CAMK2D: variants seen among roughly 807,000 people sequenced by gnomAD.
CAMK2D encodes the protein calcium/calmodulin-dependent protein kinase type II subunit delta.
CAMK2D carries 37 observed loss-of-function variants against 84.0 expected under a neutral mutation model. The ratio of observed to expected loss-of-function variants is 0.44; its 90% CI spans 0.34 to 0.58. The LOEUF is 0.58. Ranked by LOEUF, CAMK2D falls within the 20% of genes least tolerant of loss-of-function variation. The probability of loss-of-function intolerance (pLI) is 0.02; values close to 1 mark genes in which losing one functional copy is unlikely to be tolerated. For missense variants in CAMK2D, 448 were observed against 652.5 expected (o/e 0.69, Z 3.41); for synonymous variants, 202 against 212.5 (o/e 0.95, Z 0.43).
At chr4:113,731,021 C>T (rs1429608710) in intron 2 of CAMK2D, among the ~76,000 whole-genome samples, 1 of 152,160 alleles carries the variant, frequency 6.6e-6, no homozygotes, top group Admixed American at 6.5e-5. Flanking sequence ...GACTTAAAAA[C>T]TGAAACTCAT....
intron 2 of CAMK2D, among the ~76,000 whole-genome samples, chr4:113,723,692 T>C (rs1229762707): frequency 1.3e-5 from 2 of 152,186 alleles, no homozygotes; most frequent in Non-Finnish European, 2.9e-5. Flanking sequence ...TATGTATACA[T>C]ATATATAAAA....
Position 113,459,915 on chromosome 4 carries a change from G to A in CAMK2D, c.1306+232C>T, listed in dbSNP as rs917045451. 2.0e-5 allele frequency among the ~76,000 whole-genome samples: 3 copies of A among 152,214 alleles called. No homozygotes were observed. In the East Asian group the frequency reaches 5.8e-4, roughly 29 times the overall value. ...ACTGGGATTACAGGCATGAGCCACA[G>A]TGCCCAGTCAACATTAATTTTTTTA... On this transcript the variant is annotated intron_variant, in intron 18 of 20. Coordinates refer to ENST00000511664, the MANE Select transcript of CAMK2D (RefSeq NM_001321571.2).
chr4:113,661,030 C>T (rs1475980585), intron 3 of CAMK2D, among the ~76,000 whole-genome samples: 1 of 150,710 alleles, frequency 6.6e-6, no homozygotes, highest in Non-Finnish European at 1.5e-5. Context: ...CTCCTGACCT[C>T]GTGATCCACC....
At chr4:113,706,903 C>T (rs1174891999) in intron 2 of CAMK2D, among the ~76,000 whole-genome samples, 1 of 152,072 alleles carries the variant, frequency 6.6e-6, no homozygotes, top group Non-Finnish European at 1.5e-5. Flanking sequence ...ACTTTGAATA[C>T]ATTAAAATCT....
rs532367663 is a variant in CAMK2D at position 113,506,671 on chromosome 4, G to A, written c.985-1636C>T. On this transcript the variant is annotated intron_variant, in intron 13 of 20. Transcript: ENST00000511664. ...GCCGGCTTCCTGTCAAATGAACAGG[G>A]GCACTTATGGTTAAAGCACCACATG... Among the ~76,000 whole-genome samples, 14 of 152,156 alleles carry A rather than the reference G, an allele frequency of 9.2e-5. No individual in the cohort carries two copies. The South Asian group carries it at 2.7e-3, about 29-fold the overall frequency.
At chr4:113,467,662 A>C (rs1037683258) in intron 16 of CAMK2D, among the ~76,000 whole-genome samples, 14 of 152,220 alleles carry the variant, frequency 9.2e-5, no homozygotes, top group Non-Finnish European at 1.8e-4. Flanking sequence ...TGATTGATGA[A>C]TATCAATAAT....
At chr4:113,727,119 T>C (rs1380136743) in intron 2 of CAMK2D, among the ~76,000 whole-genome samples, 1 of 152,184 alleles carries the variant, frequency 6.6e-6, no homozygotes, top group Non-Finnish European at 1.5e-5. Context: ...ATGCCATGTA[T>C]GTAGATTGAA....
At chr4:113,653,828 G>T (rs898448695) in intron 3 of CAMK2D, among the ~76,000 whole-genome samples, 1 of 151,818 alleles carries the variant, frequency 6.6e-6, no homozygotes, top group Non-Finnish European at 1.5e-5. Flanking sequence ...TGATTGTATG[G>T]GTTCCTTACA....
chr4:113,660,096 T>A (rs548307128), intron 3 of CAMK2D, among the ~76,000 whole-genome samples: 1 of 152,158 alleles, frequency 6.6e-6, no homozygotes, highest in Admixed American at 6.5e-5. Context: ...CAGTGAAAGA[T>A]TTTGCAAATT....
At chr4:113,497,728 G>A (rs1269025810) in intron 16 of CAMK2D, among the ~76,000 whole-genome samples, 1 of 152,220 alleles carries the variant, frequency 6.6e-6, no homozygotes, top group Admixed American at 6.5e-5. Context: ...GGGGCAGAAT[G>A]TGCACTGCCT....
intron 2 of CAMK2D, among the ~76,000 whole-genome samples, chr4:113,665,094 G>A (rs201991831): frequency 1.3e-5 from 2 of 152,146 alleles, no homozygotes; most frequent in East Asian, 1.9e-4. Flanking sequence ...ATGAGCCACC[G>A]TGCCCAGCCC....
intron 2 of CAMK2D, among the ~76,000 whole-genome samples, chr4:113,668,003 T>C (rs1375436020): frequency 6.6e-6 from 1 of 152,126 alleles, no homozygotes; most frequent in Non-Finnish European, 1.5e-5. Context: ...TTTTTGAAAG[T>C]CTATTCTGTG....
chr4:113,518,763 G>A (rs1449752220), intron 8 of CAMK2D, among the ~76,000 whole-genome samples: 1 of 152,104 alleles, frequency 6.6e-6, no homozygotes, highest in African/African-American at 2.4e-5. Context: ...GTACCTAGGA[G>A]ATCTATCCCT....
rs555584508 is a variant in CAMK2D, at chr4:113,761,036, C to T, written c.33G>A (p.Thr11=). ...GCTCCTCGAAAAGCTGATACTCGTC[C>T]GTGAACCTGGTGCAGGTTGTGGTCG... MASTTTCTRF[T]DEYQLFEELG... is the part of the protein sequence containing the mutation. The change falls in exon 1 of 21, where the codon ACG becomes ACA. Residue 11 remains threonine, a synonymous_variant. Transcript: ENST00000511664. 5.6e-6 allele frequency: 9 copies of T among 1,614,190 alleles called. No homozygotes were observed. Among genetic ancestry groups the T allele is most frequent in the Non-Finnish European group, 2.5e-6 (3 of 1,180,028 alleles).
chr4:113,464,519 CCGTTT>C (rs1564419191), intron 17 of CAMK2D, among the ~76,000 whole-genome samples: 1 of 152,190 alleles, frequency 6.6e-6, no homozygotes, highest in Non-Finnish European at 1.5e-5. Flanking sequence ...GATTCAATCT[CCGTTT>C]TGCATTTTAA....
intron 2 of CAMK2D, among the ~76,000 whole-genome samples, chr4:113,697,827 G>A (rs1233264496): frequency 1.3e-5 from 2 of 152,004 alleles, no homozygotes; most frequent in Non-Finnish European, 2.9e-5. Context: ...AAACTCCGAA[G>A]AACAAATGCA....
At chr4:113,734,089 T>C (rs2099575482) in intron 2 of CAMK2D, among the ~76,000 whole-genome samples, 1 of 151,364 alleles carries the variant, frequency 6.6e-6, no homozygotes, top group Non-Finnish European at 1.5e-5. Context: ...AATTCTCTTG[T>C]TGAAAAAACT....
intron 2 of CAMK2D, among the ~76,000 whole-genome samples, chr4:113,683,437 A>G (rs1011984): frequency 0.21 from 32,037 of 152,144 alleles, 3,763 homozygotes; most frequent in African/African-American, 0.32. Context: ...GGTACTCCCA[A>G]TGAAGAGCAC....
intron 8 of CAMK2D, among the ~76,000 whole-genome samples, chr4:113,529,005 C>T (rs2098440437): frequency 1.3e-5 from 2 of 152,100 alleles, no homozygotes; most frequent in Non-Finnish European, 2.9e-5. Context: ...TAAGACCTTA[C>T]CCATTAATTA....
Sources: allele counts gnomAD v4.1 joint callset (sites outside exome capture counted in the v4.1 genomes callset), GRCh38; gene constraint gnomAD v4.1.1; transcripts MANE v1.5; gene names NCBI Gene and HGNC (gene_info 2026-07-23, HGNC 2026-07-21).